The following PTPRD variants were observed in gnomAD, a reference collection of about 807,000 sequenced individuals.
The protein encoded by PTPRD is protein tyrosine phosphatase receptor type D, also known as receptor-type tyrosine-protein phosphatase delta.
In PTPRD, 34 loss-of-function variants were observed where a neutral mutation model predicts 214.5. The observed-to-expected ratio is 0.16, with a 90% confidence interval of 0.12 to 0.21. The LOEUF (loss-of-function observed/expected upper bound fraction) is 0.21, where lower values mean the gene tolerates loss of function less well. Among genes scored for constraint, PTPRD ranks in the 10% least tolerant of loss-of-function variants. The probability of loss-of-function intolerance (pLI) is 1.00; values close to 1 mark genes in which losing one functional copy is unlikely to be tolerated. For missense variants in PTPRD, 2,545 were observed against 2,398.7 expected, an observed-to-expected ratio of 1.06 and a Z score of -1.27; for synonymous variants, 1,128 against 845.7, an observed-to-expected ratio of 1.33 and a Z score of -5.79.
At chr9:8,565,931 C>T (rs1226103177) in intron 14 of PTPRD, among the ~76,000 whole-genome samples, 1 of 152,056 alleles carries the variant, frequency 6.6e-6, no homozygotes, top group African/African-American at 2.4e-5. Flanking sequence ...AACAAGAAGA[C>T]AAATTTTATG....
chr9:9,236,083 G>A (rs567886557), intron 9 of PTPRD, among the ~76,000 whole-genome samples: 4 of 152,102 alleles, frequency 2.6e-5, no homozygotes, highest in South Asian at 2.1e-4. Context: ...GGCCAACATG[G>A]TGAAACCCTG....
At chr9:8,525,422 G>A (rs577767541) in intron 17 of PTPRD, among the ~76,000 whole-genome samples, 52 of 151,932 alleles carry the variant, frequency 3.4e-4, no homozygotes, top group Admixed American at 9.8e-4. Context: ...CAAAAGTGGC[G>A]CAAAAGATAG....
intron 2 of PTPRD, among the ~76,000 whole-genome samples, chr9:10,437,373 G>C (rs1369977234): frequency 6.6e-6 from 1 of 151,806 alleles, no homozygotes. Flanking sequence ...TGAGTTTCCA[G>C]ATACTGTTTA....
intron 2 of PTPRD, among the ~76,000 whole-genome samples, chr9:10,370,317 T>A (rs2097585398): frequency 1.3e-5 from 2 of 152,112 alleles, no homozygotes; most frequent in Non-Finnish European, 2.9e-5. Context: ...CACTTAACTG[T>A]GCTTTACTAA....
chr9:9,371,741 T>C (rs1180256662), intron 9 of PTPRD, among the ~76,000 whole-genome samples: 1 of 152,182 alleles, frequency 6.6e-6, no homozygotes, highest in Admixed American at 6.6e-5. Context: ...CTTTCTCTTG[T>C]GGGCATTTAG....
intron 11 of PTPRD, among the ~76,000 whole-genome samples, chr9:8,791,300 A>C (rs2096224398): frequency 6.6e-6 from 1 of 151,840 alleles, no homozygotes; most frequent in Non-Finnish European, 1.5e-5. Flanking sequence ...ATCTCCGCTC[A>C]CTGCAAACTC....
intron 9 of PTPRD, among the ~76,000 whole-genome samples, chr9:9,349,507 G>A (rs571117138): frequency 8.4e-4 from 127 of 151,976 alleles, no homozygotes; most frequent in Non-Finnish European, 1.5e-3. Flanking sequence ...TTACATTTTA[G>A]ACTTTGGAAT....
chr9:8,743,948 A>G (rs2092454374), intron 11 of PTPRD, among the ~76,000 whole-genome samples: 1 of 151,968 alleles, frequency 6.6e-6, no homozygotes, highest in African/African-American at 2.4e-5. Context: ...GCAAGAAAAA[A>G]AAAATCACAT....
intron 11 of PTPRD, among the ~76,000 whole-genome samples, chr9:8,804,751 C>G (rs148050419): frequency 6.6e-6 from 1 of 152,034 alleles, no homozygotes; most frequent in African/African-American, 2.4e-5. Context: ...TGAGTGGCCA[C>G]CTTTTAGTGT....
At chr9:9,556,648 A>G (rs1301246717) in intron 8 of PTPRD, among the ~76,000 whole-genome samples, 5 of 152,186 alleles carry the variant, frequency 3.3e-5, no homozygotes, top group African/African-American at 7.2e-5. Flanking sequence ...AGATAAATGA[A>G]TTGTTTAAAG....
In PTPRD at chr9:9,719,881, G is replaced by A. The variant is rs138970323; in HGVS notation, c.-287+14652C>T. ...CCTGGTCCAGTCTCAGTCTCTCATG[G>A]TGCTGCCACCTGTGCTAGTGCGTGG... On this transcript the variant is annotated intron_variant, in intron 7 of 45. Coordinates refer to ENST00000381196, the MANE Select transcript of PTPRD (RefSeq NM_002839.4). Among the ~76,000 whole-genome samples the A allele has an allele frequency of 1.8e-3, 276 of 152,266 alleles. 1 individual carries two copies. Among genetic ancestry groups the A allele is most frequent in the African/African-American group, 6.2e-3 (259 of 41,556 alleles).
intron 35 of PTPRD, among the ~76,000 whole-genome samples, chr9:8,414,651 C>T (rs2093767593): frequency 6.6e-6 from 1 of 151,842 alleles, no homozygotes; most frequent in African/African-American, 2.4e-5. Flanking sequence ...CCCTACATCC[C>T]AGTTTACACC....
intron 14 of PTPRD, among the ~76,000 whole-genome samples, chr9:8,604,413 G>A (rs1358929682): frequency 6.6e-6 from 1 of 152,194 alleles, no homozygotes; most frequent in Non-Finnish European, 1.5e-5. Context: ...CTAAGGCAGA[G>A]AAATACAAGC....
At chr9:10,234,934 T>C (rs1478480702) in intron 3 of PTPRD, among the ~76,000 whole-genome samples, 1 of 151,864 alleles carries the variant, frequency 6.6e-6, no homozygotes, top group Non-Finnish European at 1.5e-5. Flanking sequence ...AAGATTATAA[T>C]AGTTATAGTT....
At chr9:9,860,330 C>T (rs774839198) in intron 5 of PTPRD, among the ~76,000 whole-genome samples, 6 of 152,146 alleles carry the variant, frequency 3.9e-5, no homozygotes, top group Non-Finnish European at 8.8e-5. Flanking sequence ...AACTAAAGGA[C>T]AATTGAACTA....
chr9:9,445,797 T>C (rs2090192083), intron 8 of PTPRD, among the ~76,000 whole-genome samples: 1 of 152,108 alleles, frequency 6.6e-6, no homozygotes, highest in African/African-American at 2.4e-5. Context: ...AGCCAAACCA[T>C]ATCAGCTTCA....
chr9:9,021,490 T>G (rs1170307572), intron 10 of PTPRD, among the ~76,000 whole-genome samples: 1 of 152,216 alleles, frequency 6.6e-6, no homozygotes, highest in Non-Finnish European at 1.5e-5. Flanking sequence ...TACTGGTTTA[T>G]GTATTTGCCA....
intron 30 of PTPRD, among the ~76,000 whole-genome samples, chr9:8,474,444 C>T (rs1448717830): frequency 6.6e-6 from 1 of 152,180 alleles, no homozygotes; most frequent in Non-Finnish European, 1.5e-5. Context: ...CCGTCTCCTC[C>T]ACTCTACCTT....
At chr9:8,384,600 C>G (rs1221740981) in intron 37 of PTPRD, among the ~76,000 whole-genome samples, 1 of 152,028 alleles carries the variant, frequency 6.6e-6, no homozygotes, top group Non-Finnish European at 1.5e-5. Context: ...CAATCTTGGC[C>G]CACCACAACC....
Sources: gnomAD v4.1 joint callset for allele counts (sites outside exome capture counted in the v4.1 genomes callset) on GRCh38, gnomAD v4.1.1 for gene constraint, MANE v1.5 for transcripts, NCBI Gene and HGNC (gene_info 2026-07-23, HGNC 2026-07-21) for gene names.